Variants in RBBP4 observed in about 807,000 individuals in gnomAD.
RBBP4 encodes histone-binding protein RBBP4.
Under a neutral mutation model 57.2 loss-of-function variants are expected in RBBP4, and 3 were observed. The ratio of observed to expected loss-of-function variants is 0.05; its 90% CI spans 0.02 to 0.14. The LOEUF (loss-of-function observed/expected upper bound fraction) is 0.14, where lower values mean the gene tolerates loss of function less well. RBBP4 is among the 10% of genes least tolerant of loss of function. The pLI is 1.00. For missense variants in RBBP4, 107 were observed against 520.6 expected, an observed-to-expected ratio of 0.21 and a Z score of 7.73; for synonymous variants, 151 against 171.5, an observed-to-expected ratio of 0.88 and a Z score of 0.93.
chr1:32,671,439 C>T (rs1648869916), intron 8 of RBBP4, among the ~76,000 whole-genome samples: 1 of 152,020 alleles, frequency 6.6e-6, no homozygotes, highest in African/African-American at 2.4e-5. Flanking sequence ...AAAAATTAGC[C>T]AGGCATGGTG....
In RBBP4 at chr1:32,672,550, C is replaced by G. The variant is rs747252173; in HGVS notation, c.1043+24C>G. ...AGGTAATTCTTGTATTCATTCCTCTCTCTACATAATTATTTCCTTTATTTA... is the reference window on the plus strand; with the variant it reads ...AGGTAATTCTTGTATTCATTCCTCTGTCTACATAATTATTTCCTTTATTTA... On this transcript the variant is annotated intron_variant, in intron 9 of 11. Transcript: ENST00000373493. The G allele has an allele frequency of 5.0e-6, 8 of 1,596,052 alleles. No individual in the cohort carries two copies. In the East Asian group the frequency reaches 1.1e-4, roughly 22 times the overall value.
Position 32,669,482 on chromosome 1 carries a change from A to AT in RBBP4, c.889-3dup. ...ATTACTCTTGCTTTTCTTTTTGTAC[A>AT]TAGACTGTTGCCTTGTGGGATCTGA... is the stretch of plus-strand genomic sequence containing the variant. On this transcript the variant is annotated splice_region_variant and splice_polypyrimidine_tract_variant and intron_variant, in intron 7 of 11. Coordinates refer to ENST00000373493, the MANE Select transcript of RBBP4 (RefSeq NM_005610.3). This position sits in a 1 kb window ranked among gnomAD's most constrained non-coding sequence, Gnocchi z 4.9. The AT allele has an allele frequency of 6.3e-7, 1 of 1,599,982 alleles. No individual in the cohort carries two copies. Among genetic ancestry groups the AT allele is most frequent in the South Asian group, 1.1e-5 (1 of 89,446 alleles).
rs911708811 is a variant in RBBP4 at position 32,669,797 on chromosome 1, G to C, written c.966+234G>C. 4.6e-5 allele frequency among the ~76,000 whole-genome samples: 7 copies of C among 152,156 alleles called. No individual in the cohort carries two copies. The highest frequency in any genetic ancestry group is 1.7e-4 in the African/African-American group (7 of 41,440). The stretch of plus-strand genomic sequence containing the variant: ...CCCAGCTACTCGGGAGGCTGAGGCA[G>C]GAGAATGGCATGAAACCCGGGAGGC... On this transcript the variant is annotated intron_variant, in intron 8 of 11. Transcript: ENST00000373493. This position sits in a 1 kb window ranked among gnomAD's most constrained non-coding sequence, Gnocchi z 4.9.
In RBBP4 at chr1:32,682,267, T is replaced by C. The variant is rs1238162123; in HGVS notation, c.*2562T>C. 1 of 175,162 alleles carries C rather than the reference T, an allele frequency of 5.7e-6. No individual in the cohort carries two copies. 10.9% of individuals were successfully genotyped at this position (175,162 alleles called of 1,614,324 possible). ...TGGATTCAAACACAGTATAAGAAAA[T>C]CCTCAAGGCTGGGTGTGATGGCTTA... On this transcript the variant is annotated 3_prime_UTR_variant, in exon 12 of 12. Coordinates refer to ENST00000373493, the MANE Select transcript of RBBP4 (RefSeq NM_005610.3).
chr1:32,669,568 G>A lies in RBBP4; in HGVS notation c.966+5G>A, dbSNP rs1400056464. 3.1e-6 allele frequency: 5 copies of A among 1,591,250 alleles called. No individual in the cohort carries two copies. In the African/African-American group the frequency reaches 6.8e-5, roughly 22 times the overall value. ...CATAAGGATGAAATATTCCAGGTAA[G>A]AGAAACTAATGCTACTATTTTGTTT... is the stretch of plus-strand genomic sequence containing the variant. On this transcript the variant is annotated splice_donor_5th_base_variant and intron_variant, in intron 8 of 11. Coordinates refer to ENST00000373493, the MANE Select transcript of RBBP4 (RefSeq NM_005610.3). This position sits in a 1 kb window ranked among gnomAD's most constrained non-coding sequence, Gnocchi z 4.9.
rs762427984 is a variant in RBBP4 at position 32,672,440 on chromosome 1, C to T, written c.967-10C>T. On this transcript the variant is annotated splice_polypyrimidine_tract_variant and intron_variant, in intron 8 of 11. Transcript: ENST00000373493. The stretch of plus-strand genomic sequence containing the variant: ...CATGGCTTTGCTCTTTTCTTCATTC[C>T]TATGTGTAGGTTCAGTGGTCACCTC... 1 of 1,572,068 alleles carries T rather than the reference C, an allele frequency of 6.4e-7. No individual in the cohort carries two copies. The highest frequency in any genetic ancestry group is 2.3e-5 in the East Asian group (1 of 44,358).
Position 32,684,950 on chromosome 1 carries a change from T to TA in RBBP4, c.*5245_*5246insA, listed in dbSNP as rs1649718744. The TA allele has an allele frequency of 6.6e-6, 1 of 152,596 alleles. No individual in the cohort carries two copies. The highest frequency in any genetic ancestry group is 1.5e-5 in the Non-Finnish European group (1 of 68,336). 9.5% of individuals were successfully genotyped at this position (152,596 alleles called of 1,614,324 possible). On this transcript the variant is annotated 3_prime_UTR_variant, in exon 12 of 12. Coordinates refer to ENST00000373493, the MANE Select transcript of RBBP4 (RefSeq NM_005610.3). The stretch of plus-strand genomic sequence containing the variant: ...AGAGATTTCTACCTGGTACTTAACA[T>TA]CATATGGAAATTGATGCTTTAGTGA...
At chr1:32,667,312 A>G (rs1407240451) in intron 3 of RBBP4, among the ~76,000 whole-genome samples, 2 of 152,194 alleles carry the variant, frequency 1.3e-5, no homozygotes, top group African/African-American at 4.8e-5. Context: ...GATCCTTCTG[A>G]TAAGTGCATA....
At chr1:32,665,406 A>C (rs1648600974) in intron 3 of RBBP4, among the ~76,000 whole-genome samples, 1 of 152,176 alleles carries the variant, frequency 6.6e-6, no homozygotes, top group South Asian at 2.1e-4. Flanking sequence ...GGCCCGGCCC[A>C]GTGGCTCTCT....
At chr1:32,670,285 C>CAGTATCCTTCCAGTAT (rs1347742969) in intron 8 of RBBP4, among the ~76,000 whole-genome samples, 13 of 152,176 alleles carry the variant, frequency 8.5e-5, no homozygotes, top group Admixed American at 3.3e-4. Context: ...ATATATTCTT[C>CAGTATCCTTCCAGTAT]ATCCTTCATT....
intron 2 of RBBP4, 134 bp from the exon 3 acceptor site, chr1:32,657,293 A>T (rs966784250): frequency 1.2e-6 from 1 of 836,310 alleles, no homozygotes; most frequent in African/African-American, 1.8e-5. Flanking sequence ...AGAAAGAAAG[A>T]AAAGACCCTT....
intron 8 of RBBP4, among the ~76,000 whole-genome samples, chr1:32,670,147 A>G (rs991299582): frequency 2.0e-5 from 3 of 152,218 alleles, no homozygotes; most frequent in African/African-American, 7.2e-5. Context: ...GCTTGAGGCC[A>G]GGAGTTTGAG....
At chr1:32,666,765 TAGAATA>T (rs749335739) in intron 3 of RBBP4, among the ~76,000 whole-genome samples, 6 of 151,920 alleles carry the variant, frequency 3.9e-5, no homozygotes, top group African/African-American at 1.2e-4. Context: ...AGAAAATAGT[TAGAATA>T]AGAATAGTTA....
In RBBP4 at chr1:32,656,039, A is replaced by T. The variant is rs76271705; in HGVS notation, c.165-1388A>T. On this transcript the variant is annotated intron_variant, in intron 2 of 11. Coordinates refer to ENST00000373493, the MANE Select transcript of RBBP4 (RefSeq NM_005610.3). ...CCCAGTATGGAGTACAGAATGCCTT[A>T]AGACGGCATTCAGAACACTAAATAG... Among the ~76,000 whole-genome samples the T allele has an allele frequency of 1.8e-4, 27 of 152,314 alleles. No individual in the cohort carries two copies. The South Asian group carries it at 2.1e-3, about 12-fold the overall frequency.
chr1:32,663,574 C>T (rs565566287), intron 3 of RBBP4, among the ~76,000 whole-genome samples: 1 of 93,556 alleles, frequency 1.1e-5, no homozygotes, highest in Non-Finnish European at 2.4e-5. Context: ...ACAGTCAGCC[C>T]CTGAAATATT....
chr1:32,678,419 G>A (rs1327095108), intron 11 of RBBP4, among the ~76,000 whole-genome samples: 1 of 151,886 alleles, frequency 6.6e-6, no homozygotes, highest in Non-Finnish European at 1.5e-5. Context: ...TAGAGACAGC[G>A]TTTCACCATG....
chr1:32,684,550 G>T lies in RBBP4; in HGVS notation c.*4845G>T. ...AACAGGTTCAAAGAAGTTGTGTCTT[G>T]GAAAAAAAGTGACAATGCTTTTGAA... On this transcript the variant is annotated 3_prime_UTR_variant, in exon 12 of 12. Coordinates refer to ENST00000373493, the MANE Select transcript of RBBP4 (RefSeq NM_005610.3). The T allele has an allele frequency of 1.0e-6, 1 of 982,226 alleles. No individual in the cohort carries two copies. The highest frequency in any genetic ancestry group is 1.4e-6 in the Non-Finnish European group (1 of 690,634). The allele number at this position is 982,226 out of a possible 1,614,324, so 60.8% of individuals were successfully genotyped here. A position where few individuals can be genotyped will look rare whatever the true frequency, so the allele number is the denominator to read the frequency against.
chr1:32,668,874 T>G lies in RBBP4; in HGVS notation c.600+20T>G. 3 of 1,613,442 alleles carry G rather than the reference T, an allele frequency of 1.9e-6. 1 individual carries two copies. The highest frequency in any genetic ancestry group is 2.2e-5 in the South Asian group (2 of 91,068). On this transcript the variant is annotated intron_variant, in intron 5 of 11. Coordinates refer to ENST00000373493, the MANE Select transcript of RBBP4 (RefSeq NM_005610.3). ...GACCATGTGTGTATCCTTCCCATTTTGAAGCAAATCTGGGCTAGTTACCAG... is the reference window on the plus strand; with the variant it reads ...GACCATGTGTGTATCCTTCCCATTTGGAAGCAAATCTGGGCTAGTTACCAG...
intron 3 of RBBP4, among the ~76,000 whole-genome samples, chr1:32,665,529 T>TA (rs1194469265): frequency 4.0e-5 from 6 of 151,828 alleles, no homozygotes; most frequent in African/African-American, 1.5e-4. Flanking sequence ...AATGCAAAAA[T>TA]TAGCTGGGCG....
Sources: gnomAD v4.1 joint callset for allele counts (sites outside exome capture counted in the v4.1 genomes callset) on GRCh38, gnomAD v4.1.1 for gene constraint, Gnocchi (gnomAD v3.1) non-coding constraint, MANE v1.5 for transcripts, NCBI Gene and HGNC (gene_info 2026-07-23, HGNC 2026-07-21) for gene names.